The following CDK19 variants were observed in gnomAD, a reference collection of about 807,000 sequenced individuals.
The protein encoded by CDK19 is cyclin-dependent kinase 19.
In CDK19, 20 loss-of-function variants were observed where a neutral mutation model predicts 68.3. The ratio of observed to expected loss-of-function variants is 0.29; its 90% CI spans 0.21 to 0.43. CDK19 has a LOEUF of 0.43. CDK19 is among the 20% of genes least tolerant of loss of function. CDK19 has a pLI of 1.00. For synonymous variants in CDK19, 221 were observed against 222.8 expected (o/e 0.99, Z 0.07); for missense variants, 339 against 623.5 (o/e 0.54, Z 4.86).
intron 1 of CDK19, among the ~76,000 whole-genome samples, chr6:110,798,032 GT>G (rs1163950960): frequency 6.6e-6 from 1 of 150,976 alleles, no homozygotes; most frequent in African/African-American, 2.4e-5. Flanking sequence ...AATATATATG[GT>G]TTGGATGTGT....
chr6:110,631,932 T>C, intron 6 of CDK19, 98 bp downstream of exon 6: 3 of 1,127,902 alleles, frequency 2.7e-6, no homozygotes, highest in Non-Finnish European at 1.3e-6. Context: ...TTTACAAAAA[T>C]GTATAAAATG....
At chr6:110,628,359 G>T (rs1187215335) in intron 6 of CDK19, among the ~76,000 whole-genome samples, 1 of 152,172 alleles carries the variant, frequency 6.6e-6, no homozygotes, top group African/African-American at 2.4e-5. Flanking sequence ...TTGCCCTCCA[G>T]TTTCAGTTAC....
At chr6:110,809,424 C>A (rs1782914409) in intron 1 of CDK19, among the ~76,000 whole-genome samples, 1 of 152,014 alleles carries the variant, frequency 6.6e-6, no homozygotes, top group Admixed American at 6.6e-5. Flanking sequence ...GAGCCTGAGG[C>A]AGGAGGATCA....
intron 2 of CDK19, among the ~76,000 whole-genome samples, chr6:110,744,016 T>TG (rs1426168099): frequency 1.4e-5 from 2 of 147,374 alleles, no homozygotes; most frequent in Non-Finnish European, 3.0e-5. Flanking sequence ...CCCACGTTTT[T>TG]TTTTTTTTTT....
intron 1 of CDK19, among the ~76,000 whole-genome samples, chr6:110,748,567 T>C (rs1320285255): frequency 1.3e-5 from 2 of 152,264 alleles, no homozygotes; most frequent in African/African-American, 2.4e-5. Context: ...TAAGTGATGA[T>C]GCAGCATCTC....
intron 6 of CDK19, among the ~76,000 whole-genome samples, chr6:110,631,609 G>C (rs1779441017): frequency 6.6e-6 from 1 of 152,146 alleles, no homozygotes; most frequent in Non-Finnish European, 1.5e-5. Flanking sequence ...ATTGCTTCTT[G>C]CTTAGGAAAC....
intron 2 of CDK19, among the ~76,000 whole-genome samples, chr6:110,689,405 G>T (rs1772781966): frequency 6.6e-6 from 1 of 152,094 alleles, no homozygotes; most frequent in Non-Finnish European, 1.5e-5. Flanking sequence ...ACCTCCCCTG[G>T]GTAACACAAG....
intron 1 of CDK19, chr6:110,813,017 T>C (rs1328693182): frequency 6.6e-6 from 1 of 151,482 alleles, no homozygotes; most frequent in Non-Finnish European, 1.5e-5. Flanking sequence ...AATACAGTGA[T>C]TTAAACTAAT....
intron 1 of CDK19, among the ~76,000 whole-genome samples, chr6:110,759,450 T>TATATATATAA (rs1316358539): frequency 3.7e-4 from 42 of 114,300 alleles, no homozygotes; most frequent in African/African-American, 1.4e-3. Flanking sequence ...TATATATATA[T>TATATATATAA]AAATTAGCCA....
chr6:110,737,380 T>C (rs1355962278), intron 2 of CDK19, among the ~76,000 whole-genome samples: 2 of 152,208 alleles, frequency 1.3e-5, no homozygotes, highest in Non-Finnish European at 2.9e-5. Flanking sequence ...TTACTGGCAA[T>C]AATCGGTGTT....
chr6:110,796,824 A>G (rs1216099750), intron 1 of CDK19, among the ~76,000 whole-genome samples: 1 of 151,020 alleles, frequency 6.6e-6, no homozygotes, highest in Non-Finnish European at 1.5e-5. Flanking sequence ...CCTGGCCAAC[A>G]TGGTGAAATC....
At chr6:110,627,342 G>A (rs1373266960) in intron 6 of CDK19, among the ~76,000 whole-genome samples, 197 bp from the exon 7 acceptor site, 1 of 150,944 alleles carries the variant, frequency 6.6e-6, no homozygotes, top group African/African-American at 2.5e-5. Context: ...GTATATATAT[G>A]TGTGTGTATG....
intron 2 of CDK19, among the ~76,000 whole-genome samples, chr6:110,727,073 T>C (rs1362935611): frequency 1.3e-5 from 2 of 152,174 alleles, no homozygotes; most frequent in Admixed American, 1.3e-4. Context: ...TATGAACTTT[T>C]CAATAAGTAG....
chr6:110,793,642 T>C (rs1781745565), intron 1 of CDK19, among the ~76,000 whole-genome samples: 1 of 152,236 alleles, frequency 6.6e-6, no homozygotes. Flanking sequence ...GCAGAGACTA[T>C]TACTGACTGG....
At chr6:110,814,361 G>C (rs1053598753) in intron 1 of CDK19, among the ~76,000 whole-genome samples, 12 of 152,376 alleles carry the variant, frequency 7.9e-5, no homozygotes, top group African/African-American at 2.6e-4. Context: ...AAGGGGGAAG[G>C]TACGCAATTC....
intron 1 of CDK19, among the ~76,000 whole-genome samples, chr6:110,812,143 C>CA (rs1783152515): frequency 6.7e-6 from 1 of 150,214 alleles, no homozygotes; most frequent in African/African-American, 2.5e-5. Flanking sequence ...TTTTTTGAGA[C>CA]AGAGTCTCGC....
At chr6:110,784,846 G>C (rs887564274) in intron 1 of CDK19, among the ~76,000 whole-genome samples, 3 of 152,066 alleles carry the variant, frequency 2.0e-5, no homozygotes, top group African/African-American at 7.2e-5. Flanking sequence ...ATTATGCTGA[G>C]TAAAAGCAGC....
chr6:110,756,046 A>C (rs1778816353), intron 1 of CDK19, among the ~76,000 whole-genome samples: 2 of 152,092 alleles, frequency 1.3e-5, no homozygotes, highest in African/African-American at 4.8e-5. Context: ...GATCACTGAG[A>C]TCAGGAGTTC....
In CDK19 at chr6:110,691,708, C is replaced by T. The variant is rs1213191711; in HGVS notation, c.205-21167G>A. ...TGTCGCCCAGGTTGGAGTACAATGG[C>T]ATGATCTTGGCTCATTGCAACCTCC... On this transcript the variant is annotated intron_variant, in intron 2 of 12. Transcript: ENST00000368911. Among the ~76,000 whole-genome samples, 3 of 151,068 alleles carry T rather than the reference C, an allele frequency of 2.0e-5. No homozygotes were observed. In the East Asian group the frequency reaches 6.2e-4, roughly 31 times the overall value.
Sources: allele counts gnomAD v4.1 joint callset (sites outside exome capture counted in the v4.1 genomes callset), GRCh38; gene constraint gnomAD v4.1.1; transcripts MANE v1.5; gene names NCBI Gene and HGNC (gene_info 2026-07-23, HGNC 2026-07-21).